The following SOD2 variants were observed in gnomAD, a reference collection of about 807,000 sequenced individuals.
SOD2 encodes the protein superoxide dismutase 2.
SOD2 carries 11 observed loss-of-function variants against 27.0 expected under a neutral mutation model. The ratio of observed to expected loss-of-function variants is 0.41; its 90% CI spans 0.26 to 0.67. The LOEUF (loss-of-function observed/expected upper bound fraction) is 0.67, where lower values mean the gene tolerates loss of function less well. SOD2 is among the 30% of genes least tolerant of loss of function. The pLI is 0.34. For synonymous variants in SOD2, 105 were observed against 103.0 expected (o/e 1.02, Z -0.12); for missense variants, 250 against 274.5 (o/e 0.91, Z 0.63).
chr6:159,746,718 G>T (rs1463208055), upstream of SOD2, among the ~76,000 whole-genome samples: 1 of 152,066 alleles, frequency 6.6e-6, no homozygotes, highest in Non-Finnish European at 1.5e-5. Context: ...CACCTCAGTG[G>T]TATTTCTGTT....
chr6:159,755,268 C>G, intron 1 of SOD2: 1 of 1,614,202 alleles, frequency 6.2e-7, no homozygotes. Flanking sequence ...GGTAGCTCCT[C>G]CCGCCAGAGG....
chr6:159,736,879 A>C (rs1369806566), intron 1 of SOD2, among the ~76,000 whole-genome samples: 1 of 152,186 alleles, frequency 6.6e-6, no homozygotes, highest in East Asian at 1.9e-4. Context: ...CATCGTCTCT[A>C]GGAGGAATTT....
upstream of SOD2, chr6:159,748,466 TC>T: frequency 6.6e-7 from 1 of 1,523,484 alleles, no homozygotes; most frequent in Non-Finnish European, 8.8e-7. This position sits in a 1 kb window ranked among gnomAD's most constrained non-coding sequence, Gnocchi z 5.6. Flanking sequence ...ACACCAAGAC[TC>T]AGACTTTTTG....
intron 1 of SOD2, among the ~76,000 whole-genome samples, chr6:159,737,448 A>T (rs1778989802): frequency 6.6e-6 from 1 of 152,096 alleles, no homozygotes; most frequent in Non-Finnish European, 1.5e-5. Flanking sequence ...TAAGGAAAAA[A>T]ATTTAAGTGT....
exon 1 of SOD2, chr6:159,727,246 G>A (rs1778226203): frequency 3.9e-6 from 5 of 1,282,048 alleles, no homozygotes; most frequent in African/African-American, 3.1e-5. Flanking sequence ...GGGCTAGGCC[G>A]ACGGCCTCCC....
chr6:159,712,402 ACTGCTCTG>A (rs1777826100), intron 1 of SOD2, among the ~76,000 whole-genome samples: 3 of 93,766 alleles, frequency 3.2e-5, no homozygotes, highest in Admixed American at 1.1e-4. Context: ...CACCACTCAC[ACTGCTCTG>A]ATCACCATAA....
In SOD2 at chr6:159,684,738, T is replaced by C. The variant is rs1034895713; in HGVS notation, c.523+116A>G. The C allele has an allele frequency of 2.2e-5, 17 of 769,332 alleles. No individual in the cohort carries two copies. The African/African-American group carries it at 2.8e-4, about 13-fold the overall frequency. The allele number at this position is 769,332 out of a possible 1,614,324, so 47.7% of individuals were successfully genotyped here. ...TACACAAGACTCTGGGTGTTATCTG[T>C]TAAGATTTGCAAATTATTACATGTT... is the stretch of plus-strand genomic sequence containing the variant. On this transcript the variant is annotated intron_variant, in intron 4 of 4. Coordinates refer to ENST00000538183, the MANE Select transcript of SOD2 (RefSeq NM_000636.4).
chr6:159,698,658 C>T (rs952599265), intron 1 of SOD2, among the ~76,000 whole-genome samples: 1 of 146,890 alleles, frequency 6.8e-6, no homozygotes, highest in African/African-American at 2.5e-5. Flanking sequence ...TAACTTTTGA[C>T]TCCCCAAAAA....
At chr6:159,691,547 CAG>C (rs750347358) in intron 2 of SOD2, 7 of 152,124 alleles carry the variant, frequency 4.6e-5, no homozygotes, top group Admixed American at 2.0e-4. Context: ...CCAAGCAATA[CAG>C]AGAGTCTAAA....
At chr6:159,683,827 G>A (rs550785738) in intron 4 of SOD2, among the ~76,000 whole-genome samples, 2 of 152,212 alleles carry the variant, frequency 1.3e-5, no homozygotes, top group Admixed American at 6.5e-5. Context: ...TGTCCCAAAA[G>A]AGCTGTTCAG....
At chr6:159,755,007 G>T (rs185582589) in intron 1 of SOD2, 1 of 1,573,652 alleles carries the variant, frequency 6.4e-7, no homozygotes, top group Non-Finnish European at 8.6e-7. Context: ...ATTAAAGTTG[G>T]TCTGACTCTC....
rs760112731 is a variant in SOD2 at position 159,762,102 on chromosome 6, A to C, written c.-1401T>G. The C allele has an allele frequency of 5.0e-6, 8 of 1,613,138 alleles. No homozygotes were observed. In the African/African-American group the frequency reaches 5.3e-5, roughly 11 times the overall value. ...GGAGAAGCAAGATGAATGCAGGCTCAGATCCTGTGGTCATCGTCTCGGCGG... is the reference window on the plus strand; with the variant it reads ...GGAGAAGCAAGATGAATGCAGGCTCCGATCCTGTGGTCATCGTCTCGGCGG... On this transcript the variant is annotated 5_prime_UTR_variant, in exon 1 of 8. Coordinates refer to the SOD2 transcript ENST00000546087.
rs1214011317 is a variant in SOD2 at position 159,671,802 on chromosome 6, A to T, written c.*10691T>A. 6.6e-6 allele frequency: 1 copy of T among 152,216 alleles called. No homozygotes were observed. The highest frequency in any genetic ancestry group is 1.5e-5 in the Non-Finnish European group (1 of 68,032). 9.4% of individuals were successfully genotyped at this position (152,216 alleles called of 1,614,324 possible). A position where few individuals can be genotyped will look rare whatever the true frequency, so the allele number is the denominator to read the frequency against. ...GATGATCAAACTTCTCCAAGCTAAA[A>T]GAGGAAGTTCGAACCCATCACAAAG... On this transcript the variant is annotated 3_prime_UTR_variant, in exon 5 of 5. Transcript: ENST00000538183.
At chr6:159,743,607 A>C in intron 1 of SOD2, 1 of 1,491,896 alleles carries the variant, frequency 6.7e-7, no homozygotes, top group Admixed American at 2.1e-5. Flanking sequence ...TGTTCTTGAC[A>C]GAGGTATTTA....
chr6:159,707,773 C>T lies in SOD2; in HGVS notation c.-115-14910G>A, dbSNP rs566491461. On this transcript the variant is annotated intron_variant, in intron 1 of 2. Transcript: ENST00000401980. ...TCCTCCCTAACTCATTTTATGAGGC[C>T]AGCATCATCCTGATACCAAAGCCTG... Among the ~76,000 whole-genome samples, 29 of 152,172 alleles carry T rather than the reference C, an allele frequency of 1.9e-4. No homozygotes were observed. The South Asian group carries it at 3.9e-3, about 21-fold the overall frequency.
chr6:159,702,321 G>A (rs1265199433), intron 1 of SOD2, among the ~76,000 whole-genome samples: 1 of 149,288 alleles, frequency 6.7e-6, no homozygotes, highest in African/African-American at 2.5e-5. Flanking sequence ...TCTTGAGACT[G>A]AGTCTCACTC....
At chr6:159,719,991 T>G (rs1281049248) in intron 1 of SOD2, among the ~76,000 whole-genome samples, 1 of 151,182 alleles carries the variant, frequency 6.6e-6, no homozygotes, top group African/African-American at 2.4e-5. Context: ...CCCAAAGTCC[T>G]GGGATTACAG....
upstream of SOD2, chr6:159,748,151 C>G: frequency 6.3e-7 from 1 of 1,576,118 alleles, no homozygotes; most frequent in Non-Finnish European, 8.6e-7. This position sits in a 1 kb window ranked among gnomAD's most constrained non-coding sequence, Gnocchi z 5.6. Flanking sequence ...ATGTATGTTT[C>G]CTTTGATTTG....
chr6:159,682,510 T>C lies in SOD2; in HGVS notation c.652A>G (p.Met218Val), dbSNP rs781598341. ...ATCGTGGTTTACTTTTTGCAAGCCA[T>C]GTATCTTTCAGTTACATTCTCCCAG... The part of the protein sequence containing the change: ...INWENVTERY[M>V]ACKK The change falls in exon 5 of 5, where the codon ATG (methionine) becomes GTG (valine). Residue 218 changes from methionine (M) to valine (V), a missense_variant. Physicochemically the swap from Met to Val is conservative, Grantham distance 21. Transcript: ENST00000538183. 6.2e-7 allele frequency: 1 copy of C among 1,613,726 alleles called. No individual in the cohort carries two copies. Among genetic ancestry groups the C allele is most frequent in the Non-Finnish European group, 8.5e-7 (1 of 1,179,898 alleles).
Sources: gnomAD v4.1 joint callset for allele counts (sites outside exome capture counted in the v4.1 genomes callset) on GRCh38, gnomAD v4.1.1 for gene constraint, Gnocchi (gnomAD v3.1) non-coding constraint, MANE v1.5 for transcripts, NCBI Gene and HGNC (gene_info 2026-07-23, HGNC 2026-07-21) for gene names.